Variants in PCDHGA5 observed in about 807,000 individuals in gnomAD.
The protein encoded by PCDHGA5 is protocadherin gamma-A5.
Under a neutral mutation model 56.7 loss-of-function variants are expected in PCDHGA5, and 36 were observed. That is an observed-to-expected ratio of 0.64 (90% confidence interval 0.49 to 0.84). The LOEUF is 0.84. Among genes scored for constraint, PCDHGA5 ranks in the 40% least tolerant of loss-of-function variants. The probability of loss-of-function intolerance (pLI) is 0.00; values close to 1 mark genes in which losing one functional copy is unlikely to be tolerated. For synonymous variants in PCDHGA5, 563 were observed against 520.2 expected (o/e 1.08, Z -1.12); for missense variants, 1,305 against 1,201.5 (o/e 1.09, Z -1.27).
intron 1 of PCDHGA5, chr5:141,416,744 A>G (rs1480936949): frequency 2.0e-5 from 3 of 152,210 alleles, no homozygotes; most frequent in Non-Finnish European, 4.4e-5. Context: ...GAAAATAGTG[A>G]CGTATTAGGT....
rs1297213443 is a variant in PCDHGA5 at position 141,384,466 on chromosome 5, G to A, written c.2421+17715G>A. Reference sequence around the variant, plus strand: ...GTACGCGCTGCAATCCTTTGATTATGAGCAGTTGAGAGAACTACAACTAAG... The same window carrying A: ...GTACGCGCTGCAATCCTTTGATTATAAGCAGTTGAGAGAACTACAACTAAG... On this transcript the variant is annotated intron_variant, in intron 1 of 3. Coordinates refer to ENST00000518069, the MANE Select transcript of PCDHGA5 (RefSeq NM_018918.3). 3 of 1,613,996 alleles carry A rather than the reference G, an allele frequency of 1.9e-6. No individual in the cohort carries two copies. The African/African-American group carries it at 4.0e-5, about 22-fold the overall frequency.
intron 1 of PCDHGA5, among the ~76,000 whole-genome samples, chr5:141,463,861 A>G (rs1308802167): frequency 1.3e-5 from 2 of 152,340 alleles, no homozygotes; most frequent in East Asian, 1.9e-4. Context: ...ATCTGGTTTC[A>G]CATGACTGAA....
rs1562187768 is a variant in PCDHGA5, at chr5:141,499,029, A to AAGG, written c.2480+4165_2480+4166insGGA. 5.0e-3 allele frequency among the ~76,000 whole-genome samples: 706 copies of AAGG among 140,066 alleles called. 6 individuals carry two copies. Among genetic ancestry groups the AAGG allele is most frequent in the African/African-American group, 0.019 (683 of 36,064 alleles). The allele number at this position is 140,066 out of a possible 152,430, so 91.9% of individuals were successfully genotyped here. A position where few individuals can be genotyped will look rare whatever the true frequency, so the allele number is the denominator to read the frequency against. ...GGAAGGAAGGAAGGAAGGAAGGAAG[A>AAGG]AAAGAAAGAAAAAGGGAGAAAAAAT... On this transcript the variant is annotated intron_variant, in intron 2 of 3. Transcript: ENST00000518069.
intron 1 of PCDHGA5, among the ~76,000 whole-genome samples, chr5:141,401,908 T>C (rs942184637): frequency 1.3e-5 from 2 of 152,238 alleles, no homozygotes; most frequent in Admixed American, 1.3e-4. Flanking sequence ...CAAATTATTA[T>C]ATAAGTTTAA....
At chr5:141,445,632 T>C (rs940642775) in intron 1 of PCDHGA5, among the ~76,000 whole-genome samples, 19 of 152,116 alleles carry the variant, frequency 1.2e-4, no homozygotes, top group Admixed American at 1.1e-3. Flanking sequence ...GAAAGTGATA[T>C]TTAGAGAGAT....
rs765634746 is a variant in PCDHGA5 at position 141,418,621 on chromosome 5, C to A, written c.2421+51870C>A. On this transcript the variant is annotated intron_variant, in intron 1 of 3. Transcript: ENST00000518069. Reference sequence around the variant, plus strand: ...TGTACAGGGTTAGCCTTCGGGAAGACGTGCCTCCAGGCACCTCCATCCTGA... The same window carrying A: ...TGTACAGGGTTAGCCTTCGGGAAGAAGTGCCTCCAGGCACCTCCATCCTGA... 8 of 1,614,034 alleles carry A rather than the reference C, an allele frequency of 5.0e-6. No individual in the cohort carries two copies. The East Asian group carries it at 1.8e-4, about 36-fold the overall frequency.
intron 1 of PCDHGA5, among the ~76,000 whole-genome samples, chr5:141,460,536 G>A (rs911670681): frequency 2.0e-5 from 3 of 152,092 alleles, no homozygotes; most frequent in African/African-American, 7.2e-5. Flanking sequence ...AATAATCTTA[G>A]CACCTTAATC....
intron 1 of PCDHGA5, chr5:141,402,812 C>T: frequency 8.0e-7 from 1 of 1,243,800 alleles, no homozygotes; most frequent in East Asian, 2.6e-5. Flanking sequence ...GCAGATACCA[C>T]AAACCTGCTC....
intron 1 of PCDHGA5, among the ~76,000 whole-genome samples, chr5:141,473,380 G>A (rs1363453338): frequency 6.6e-6 from 1 of 152,204 alleles, no homozygotes; most frequent in African/African-American, 2.4e-5. Context: ...CATGGTCCCT[G>A]CCCTCCTGGA....
chr5:141,409,906 T>G (rs779572711), intron 1 of PCDHGA5: 2 of 1,613,096 alleles, frequency 1.2e-6, no homozygotes, highest in African/African-American at 2.7e-5. Flanking sequence ...CAGCTCTGGG[T>G]CCTGACGGCT....
At chr5:141,451,880 A>G (rs1322052501) in intron 1 of PCDHGA5, among the ~76,000 whole-genome samples, 1 of 152,106 alleles carries the variant, frequency 6.6e-6, no homozygotes, top group East Asian at 1.9e-4. Flanking sequence ...AACCCTGTCA[A>G]GAAAGAAAGG....
At chr5:141,496,639 C>T (rs752903356) in intron 2 of PCDHGA5, among the ~76,000 whole-genome samples, 1 of 152,222 alleles carries the variant, frequency 6.6e-6, no homozygotes, top group Non-Finnish European at 1.5e-5. Context: ...TTGGGCTGCC[C>T]TTGCCCTTCC....
chr5:141,395,101 C>G, intron 1 of PCDHGA5: 3 of 1,614,164 alleles, frequency 1.9e-6, no homozygotes, highest in East Asian at 2.2e-5. Context: ...ACCGCCGACT[C>G]GCGGAAGAGT....
At chr5:141,395,198 A>G (rs2093194899) in intron 1 of PCDHGA5, 1 of 1,613,990 alleles carries the variant, frequency 6.2e-7, no homozygotes, top group Non-Finnish European at 8.5e-7. Flanking sequence ...TAACATCCGT[A>G]GATTTTCATG....
intron 1 of PCDHGA5, among the ~76,000 whole-genome samples, chr5:141,397,777 C>T (rs1589309887): frequency 6.6e-6 from 1 of 152,170 alleles, no homozygotes; most frequent in Non-Finnish European, 1.5e-5. Flanking sequence ...AGTATATGGA[C>T]GTAAAAACTT....
In PCDHGA5 at chr5:141,476,432, G is replaced by A. The variant is rs139089802; in HGVS notation, c.2422-18375G>A. 15 of 1,614,116 alleles carry A rather than the reference G, an allele frequency of 9.3e-6. No individual in the cohort carries two copies. The East Asian group carries it at 3.3e-4, about 36-fold the overall frequency. Reference sequence around the variant, plus strand: ...GTGTGGGACACTGCCCTCTTGCACTGTAACTCTGGAGTTGGTAGTGGAGAA... The same window carrying A: ...GTGTGGGACACTGCCCTCTTGCACTATAACTCTGGAGTTGGTAGTGGAGAA... On this transcript the variant is annotated intron_variant, in intron 1 of 3. Coordinates refer to ENST00000518069, the MANE Select transcript of PCDHGA5 (RefSeq NM_018918.3). The surrounding 1 kb of genome is among the most constrained non-coding windows in gnomAD (Gnocchi z 7.6).
intron 1 of PCDHGA5, chr5:141,410,302 A>C: frequency 1.2e-6 from 2 of 1,613,356 alleles, no homozygotes; most frequent in Non-Finnish European, 1.7e-6. Flanking sequence ...CCTTAATCTC[A>C]GTGCTCTTCC....
chr5:141,417,760 C>A, intron 1 of PCDHGA5: 1 of 1,438,808 alleles, frequency 7.0e-7, no homozygotes, highest in South Asian at 1.5e-5. Context: ...GCTCCGAGAC[C>A]CGGGACTCCT....
At chr5:141,394,260 G>A (rs779006100) in intron 1 of PCDHGA5, 2 of 1,613,802 alleles carry the variant, frequency 1.2e-6, no homozygotes, top group African/African-American at 2.7e-5. Flanking sequence ...CGACAGCCAG[G>A]AGAATGCCCA....
Sources: allele counts gnomAD v4.1 joint callset (sites outside exome capture counted in the v4.1 genomes callset), GRCh38; gene constraint gnomAD v4.1.1; non-coding constraint Gnocchi (gnomAD v3.1); transcripts MANE v1.5; gene names NCBI Gene and HGNC (gene_info 2026-07-23, HGNC 2026-07-21).